Variants in RIC3 observed in about 807,000 individuals in gnomAD.
RIC3 encodes the protein protein RIC-3.
In RIC3, 28 loss-of-function variants were observed where a neutral mutation model predicts 27.3. That is an observed-to-expected ratio of 1.02 (90% confidence interval 0.76 to 1.41). The LOEUF (loss-of-function observed/expected upper bound fraction) is 1.41, where lower values mean the gene tolerates loss of function less well. Among genes scored for constraint, RIC3 ranks in the 40% most tolerant of loss-of-function variants. The probability of loss-of-function intolerance (pLI) is 0.00; values close to 1 mark genes in which losing one functional copy is unlikely to be tolerated. For missense variants in RIC3, 501 were observed against 444.7 expected (o/e 1.13, Z -1.14); for synonymous variants, 184 against 160.4 (o/e 1.15, Z -1.11).
chr11:8,105,617 A>AAGATAAAGATGT (rs1183067909), downstream of RIC3: 1 of 152,166 alleles, frequency 6.6e-6, no homozygotes, highest in Non-Finnish European at 1.5e-5. Flanking sequence ...TCCTAACCAC[A>AAGATAAAGATGT]AGATAAAGAT....
At chr11:8,121,076 T>C (rs1431954170) in intron 5 of RIC3, among the ~76,000 whole-genome samples, 3 of 152,180 alleles carry the variant, frequency 2.0e-5, no homozygotes, top group African/African-American at 7.2e-5. Flanking sequence ...AAGAATGAAA[T>C]CTGTAAGAAT....
chr11:8,126,942 T>C (rs901209706), intron 4 of RIC3, 135 bp from the exon 5 acceptor site: 16 of 975,402 alleles, frequency 1.6e-5, no homozygotes, highest in Admixed American at 7.9e-5. Context: ...GAATTGATCC[T>C]CCAACTGCAT....
chr11:8,126,910 T>C (rs141366884), intron 4 of RIC3, 103 bp from the exon 5 acceptor site: 145 of 1,309,568 alleles, frequency 1.1e-4, no homozygotes, highest in Admixed American at 1.8e-4. Context: ...GAAAGTGCAA[T>C]TGCAGCAGAT....
rs1405752109 is a variant in RIC3, at chr11:8,106,350, G to GTGAT, written c.*4344_*4347dup. 2 of 152,182 alleles carry GTGAT rather than the reference G, an allele frequency of 1.3e-5. No individual in the cohort carries two copies. Among genetic ancestry groups the GTGAT allele is most frequent in the African/African-American group, 4.8e-5 (2 of 41,440 alleles). The allele number at this position is 152,182 out of a possible 1,614,324, so 9.4% of individuals were successfully genotyped here. A position where few individuals can be genotyped will look rare whatever the true frequency, so the allele number is the denominator to read the frequency against. ...CTAGGAGCCTCAGGTGGGTAAGTAG[G>GTGAT]TGATAATAGCAAAGAGATCATAACC... On this transcript the variant is annotated 3_prime_UTR_variant, in exon 6 of 6. Coordinates refer to ENST00000309737, the MANE Select transcript of RIC3 (RefSeq NM_001206671.4).
chr11:8,148,875 C>T (rs1949969438), intron 1 of RIC3, among the ~76,000 whole-genome samples: 1 of 151,792 alleles, frequency 6.6e-6, no homozygotes, highest in Non-Finnish European at 1.5e-5. Context: ...GATGCAAAAT[C>T]TTTCTTTAAA....
chr11:8,164,760 A>T (rs1291833792), intron 1 of RIC3, among the ~76,000 whole-genome samples: 2 of 144,924 alleles, frequency 1.4e-5, no homozygotes, highest in Non-Finnish European at 3.0e-5. Flanking sequence ...CCTGTGCACC[A>T]GAGTGAGACC....
chr11:8,141,580 G>A (rs1393631719), intron 1 of RIC3, among the ~76,000 whole-genome samples: 4 of 150,608 alleles, frequency 2.7e-5, no homozygotes, highest in Non-Finnish European at 4.5e-5. Context: ...TTAATAATGG[G>A]AGACTTTAAC....
intron 5 of RIC3, among the ~76,000 whole-genome samples, chr11:8,119,632 T>C (rs1946233945): frequency 6.6e-6 from 1 of 152,176 alleles, no homozygotes; most frequent in African/African-American, 2.4e-5. Flanking sequence ...GACATAGGCA[T>C]AGGCAAGGAC....
intron 5 of RIC3, among the ~76,000 whole-genome samples, chr11:8,114,192 A>G (rs1945588216): frequency 6.6e-6 from 1 of 152,244 alleles, no homozygotes; most frequent in Non-Finnish European, 1.5e-5. Flanking sequence ...TTCACCAGCA[A>G]AAGTCCCTGC....
intron 2 of RIC3, 119 bp from the exon 3 acceptor site, chr11:8,138,466 A>G (rs1948659713): frequency 9.7e-6 from 6 of 616,450 alleles, no homozygotes; most frequent in Non-Finnish European, 1.7e-5. Flanking sequence ...AAATTAAATC[A>G]AATAGCAACA....
At chr11:8,102,823 C>T (rs908163703), downstream of RIC3, 1 of 152,220 alleles carries the variant, frequency 6.6e-6, no homozygotes, top group Non-Finnish European at 1.5e-5. Flanking sequence ...CCTGGGTCAC[C>T]TAGCTGGTTA....
At position 8,106,859 on chromosome 11, in the gene RIC3, G is replaced by C. The variant is rs1944722247; in HGVS notation, c.*3839C>G. ...TGGGCCACTCCTGGCAATCAGGGTA[G>C]CCTTAGAGGGTGTCAGGTGTGACAT... On this transcript the variant is annotated 3_prime_UTR_variant, in exon 6 of 6. Transcript: ENST00000309737. The C allele has an allele frequency of 6.6e-6, 1 of 152,222 alleles. No homozygotes were observed. Among genetic ancestry groups the C allele is most frequent in the Non-Finnish European group, 1.5e-5 (1 of 68,038 alleles). The allele number at this position is 152,222 out of a possible 1,614,324, so 9.4% of individuals were successfully genotyped here. A position where few individuals can be genotyped will look rare whatever the true frequency, so the allele number is the denominator to read the frequency against.
In RIC3 at chr11:8,107,963, G is replaced by A. The variant is rs367560678; in HGVS notation, c.*2735C>T. ...ACCCATGATTTTGTCATCCTGGGTT[G>A]TATATACACATATAACTGTCATCCC... On this transcript the variant is annotated 3_prime_UTR_variant, in exon 6 of 6. Transcript: ENST00000309737. The A allele has an allele frequency of 1.9e-4, 29 of 152,290 alleles. No homozygotes were observed. The highest frequency in any genetic ancestry group is 7.0e-4 in the African/African-American group (29 of 41,552). The allele number at this position is 152,290 out of a possible 1,614,324, so 9.4% of individuals were successfully genotyped here. A position where few individuals can be genotyped will look rare whatever the true frequency, so the allele number is the denominator to read the frequency against.
Position 8,111,105 on chromosome 11 carries a change from G to C in RIC3, c.703C>G (p.Leu235Val). ...YPEETYPIYD[L>V]SDCIKRRQET... is the part of the protein sequence containing the mutation. ...TGCCTACGCTTGATACAGTCTGAAA[G>C]GTCATAAATTGGGTAAGTCTCTTCA... Residue 235 changes from leucine to valine, a missense_variant, in exon 6 of 6, where the codon CTT (leucine) becomes GTT (valine). Coordinates refer to ENST00000309737, the MANE Select transcript of RIC3 (RefSeq NM_001206671.4). 2.5e-6 allele frequency: 4 copies of C among 1,608,178 alleles called. No homozygotes were observed. Among genetic ancestry groups the C allele is most frequent in the Middle Eastern group, 1.7e-4 (1 of 6,044 alleles).
In RIC3 at chr11:8,151,916, CAAAAA is replaced by C. The variant is rs541424394; in HGVS notation, c.125-11728_125-11724del. 7.4e-5 allele frequency among the ~76,000 whole-genome samples: 6 copies of C among 81,146 alleles called. No homozygotes were observed. In the East Asian group the frequency reaches 2.2e-3, roughly 29 times the overall value. The allele number at this position is 81,146 out of a possible 152,430, so 53.2% of individuals were successfully genotyped here. The stretch of plus-strand genomic sequence containing the variant: ...GGGGGACAGAAGTGAGACTCGGTCT[CAAAAA>C]AAAAAAAAAAAGAGCAAGGGATCTG... On this transcript the variant is annotated intron_variant, in intron 1 of 5. Coordinates refer to ENST00000309737, the MANE Select transcript of RIC3 (RefSeq NM_001206671.4).
At chr11:8,161,201 G>A (rs1951132723) in intron 1 of RIC3, among the ~76,000 whole-genome samples, 1 of 152,210 alleles carries the variant, frequency 6.6e-6, no homozygotes, top group Non-Finnish European at 1.5e-5. Flanking sequence ...GTAGCTACCT[G>A]TAGAGATATT....
chr11:8,097,606 T>A, the RIC3 span: 4,974 of 1,300,706 alleles, frequency 3.8e-3, 143 homozygotes, highest in African/African-American at 0.064. Context: ...TGTGCACATA[T>A]GTGCGTTTGG....
At position 8,137,310 on chromosome 11, in the gene RIC3, C is replaced by A. The variant is rs115933923; in HGVS notation, c.521+68G>T. On this transcript the variant is annotated intron_variant, in intron 4 of 5. Transcript: ENST00000309737. ...AAGTGCTGGGATTAGAGGCCTCGGC[C>A]ACTGCACCCAGCCTGAATTTATTTT... 9,461 of 1,424,474 alleles carry A rather than the reference C, an allele frequency of 6.6e-3. 514 individuals carry two copies. The African/African-American group carries it at 0.12, about 18-fold the overall frequency. The allele number at this position is 1,424,474 out of a possible 1,614,324, so 88.2% of individuals were successfully genotyped here. A position where few individuals can be genotyped will look rare whatever the true frequency, so the allele number is the denominator to read the frequency against.
chr11:8,102,133 A>C (rs1274278281), downstream of RIC3: 1 of 153,192 alleles, frequency 6.5e-6, no homozygotes, highest in Non-Finnish European at 1.5e-5. Flanking sequence ...CCCTTAAACA[A>C]CTGCAGAAAG....
Sources: allele counts gnomAD v4.1 joint callset (sites outside exome capture counted in the v4.1 genomes callset), GRCh38; gene constraint gnomAD v4.1.1; transcripts MANE v1.5; gene names NCBI Gene and HGNC (gene_info 2026-07-23, HGNC 2026-07-21).